SAFB: variants seen among roughly 807,000 people sequenced by gnomAD.
SAFB encodes scaffold attachment factor B1.
In SAFB, 15 loss-of-function variants were observed where a neutral mutation model predicts 101.6. That is an observed-to-expected ratio of 0.15 (90% CI 0.10 to 0.23). SAFB has a LOEUF of 0.23. SAFB is among the 10% of genes least tolerant of loss of function. The pLI, the probability that SAFB is intolerant of heterozygous loss-of-function variation, is 1.00. For synonymous variants in SAFB, 449 were observed against 407.5 expected, an observed-to-expected ratio of 1.10 and a Z score of -1.23; for missense variants, 930 against 1,104.1, an observed-to-expected ratio of 0.84 and a Z score of 2.23.
At chr19:5,653,961 G>A (rs11085146) in intron 11 of SAFB, 100 bp from the exon 12 acceptor site, 135,125 of 1,094,092 alleles carry the variant, frequency 0.12, 13,334 homozygotes, top group East Asian at 0.52. Flanking sequence ...GGCTGGTCTC[G>A]AACTCCCGGT....
In SAFB at chr19:5,633,809, T is replaced by A. The variant is rs147424164; in HGVS notation, c.274+7320T>A. The stretch of plus-strand genomic sequence containing the variant: ...AAAAAAAAGAAAAAAGAAACCAGGG[T>A]CTTGGAACTTAGATGTACTTCTGTA... On this transcript the variant is annotated intron_variant, in intron 2 of 20. Coordinates refer to ENST00000588852, the MANE Select transcript of SAFB (RefSeq NM_001201338.2). Among the ~76,000 whole-genome samples, 1,299 of 149,522 alleles carry A rather than the reference T, an allele frequency of 8.7e-3. 43 individuals are homozygous for A. Among genetic ancestry groups the A allele is most frequent in the Admixed American group, 0.063 (950 of 15,120 alleles).
chr19:5,651,592 T>C (rs1268111082), intron 9 of SAFB, among the ~76,000 whole-genome samples: 2 of 152,176 alleles, frequency 1.3e-5, no homozygotes, highest in African/African-American at 2.4e-5. Context: ...TAGTGGCCTC[T>C]TGTCTGCAGC....
At chr19:5,646,867 C>T (rs1208345588) in intron 5 of SAFB, among the ~76,000 whole-genome samples, 2 of 152,222 alleles carry the variant, frequency 1.3e-5, no homozygotes, top group African/African-American at 4.8e-5. Flanking sequence ...AGTGCAGACT[C>T]ACACTCATAC....
intron 4 of SAFB, among the ~76,000 whole-genome samples, chr19:5,643,683 AGTTTT>A (rs913459857): frequency 1.3e-5 from 2 of 152,106 alleles, no homozygotes; most frequent in African/African-American, 4.8e-5. Context: ...GAAGCAGTTT[AGTTTT>A]AAGGGTTGAG....
intron 2 of SAFB, among the ~76,000 whole-genome samples, chr19:5,633,431 G>A (rs535264408): frequency 1.3e-5 from 2 of 152,214 alleles, no homozygotes; most frequent in East Asian, 1.9e-4. Flanking sequence ...CCCTTTCCCC[G>A]GAATCAGCCA....
chr19:5,668,153 T>C lies in SAFB; in HGVS notation c.2625-9T>C. ...CTTCGCAGTCAAACCAATGTGAATT[T>C]GTTCCTAGGCGCGGCAGCTTTGCCC... On this transcript the variant is annotated splice_polypyrimidine_tract_variant and intron_variant, in intron 20 of 20. Transcript: ENST00000588852. 1 of 1,605,836 alleles carries C rather than the reference T, an allele frequency of 6.2e-7. No homozygotes were observed. The highest frequency in any genetic ancestry group is 8.5e-7 in the Non-Finnish European group (1 of 1,176,992).
At chr19:5,626,205 C>T (rs2053356191) in intron 1 of SAFB, among the ~76,000 whole-genome samples, 200 bp from the exon 2 acceptor site, 1 of 152,146 alleles carries the variant, frequency 6.6e-6, no homozygotes, top group African/African-American at 2.4e-5. Flanking sequence ...TGGGACCACC[C>T]AGCTAAGAAC....
intron 2 of SAFB, among the ~76,000 whole-genome samples, chr19:5,635,882 CTCTTCAGTTTTTGCCAGAGAGT>C (rs921423088): frequency 6.6e-6 from 1 of 152,074 alleles, no homozygotes; most frequent in African/African-American, 2.4e-5. Flanking sequence ...AAATCAATGG[CTCTTCAGTTTTTGCCAGAGAGT>C]TATACTTTTC....
chr19:5,664,466 A>T lies in SAFB; in HGVS notation c.2334+27A>T, dbSNP rs773147186. On this transcript the variant is annotated intron_variant, in intron 17 of 20. Transcript: ENST00000588852. ...TAAGTCTGAAGCTACAGTGGTAGCC[A>T]CAGAATTTCCCATAGAATGGGTTCT... 2.5e-5 allele frequency: 39 copies of T among 1,589,950 alleles called. No individual in the cohort carries two copies. In the South Asian group the frequency reaches 4.2e-4, roughly 17 times the overall value.
chr19:5,663,822 C>T (rs1313738927), intron 15 of SAFB, among the ~76,000 whole-genome samples, 200 bp from the exon 16 acceptor site: 1 of 152,176 alleles, frequency 6.6e-6, no homozygotes, highest in Admixed American at 6.5e-5. Flanking sequence ...CGCTTTTCAT[C>T]AGGGGAGGTG....
Position 5,661,764 on chromosome 19 carries a change from G to T in SAFB, c.2109G>T (p.Glu703Asp). 1 of 1,578,080 alleles carries T rather than the reference G, an allele frequency of 6.3e-7. No homozygotes were observed. Reference protein sequence around the residue: ...ELRRQQELRYEQERRPAVRRP... With the variant: ...ELRRQQELRYDQERRPAVRRP... ...GGCGCCAGCAGGAACTGCGCTATGA[G>T]CAGGAGCGGCGGCCCGCGGTGCGGC... The change falls in exon 15 of 21, where the codon GAG (glutamate) becomes GAT (aspartate). Residue 703 changes from glutamate to aspartate, a missense_variant. Physicochemically the swap from Glu to Asp is conservative, Grantham distance 45. Around this residue, in one of 7 missense-constraint regions of SAFB, gnomAD observed 318 missense variants for 342.6 expected, o/e 0.93. Coordinates refer to ENST00000588852, the MANE Select transcript of SAFB (RefSeq NM_001201338.2).
chr19:5,653,020 C>T (rs2053973431), intron 9 of SAFB, 95 bp from the exon 10 acceptor site: 3 of 1,269,332 alleles, frequency 2.4e-6, no homozygotes, highest in Admixed American at 4.0e-5. Context: ...CTTGTCGGAC[C>T]CCTGATGAGC....
At position 5,667,105 on chromosome 19, in the gene SAFB, G is replaced by C. The variant is rs200429675; in HGVS notation, c.2394G>C (p.Trp798Cys). Reference sequence around the variant, plus strand: ...ACGGCCGGGACTCCCGCGATGGCTGGGGGGGCTATGGCTCTGACAAGAGGA... The same window carrying C: ...ACGGCCGGGACTCCCGCGATGGCTGCGGGGGCTATGGCTCTGACAAGAGGA... ...ERHGRDSRDG[W>C]GGYGSDKRMS... The change falls in exon 18 of 21, where the codon TGG becomes TGC. Residue 798 changes from tryptophan (W) to cysteine (C), a missense_variant. Trp to Cys is a radical substitution (Grantham distance 215, BLOSUM62 -2). Coordinates refer to ENST00000588852, the MANE Select transcript of SAFB (RefSeq NM_001201338.2). This position sits in a 1 kb window ranked among gnomAD's most constrained non-coding sequence, Gnocchi z 4.0. The C allele has an allele frequency of 6.2e-6, 10 of 1,612,730 alleles. No individual in the cohort carries two copies. The highest frequency in any genetic ancestry group is 1.3e-5 in the African/African-American group (1 of 74,898).
rs1217126982 is a variant in SAFB at position 5,645,355 on chromosome 19, A to G, written c.565A>G (p.Ile189Val). ...TTTACAGATAGAGGACAAAGAAACT[A>G]TAAACAATTTAGATACTTCATCATC... ...QEHAIEDKET[I>V]NNLDTSSSDF... is the part of the protein sequence containing the mutation. Residue 189 changes from isoleucine (I) to valine (V), a missense_variant, in exon 5 of 21, where the codon ATA (isoleucine) becomes GTA (valine). Coordinates refer to ENST00000588852, the MANE Select transcript of SAFB (RefSeq NM_001201338.2). 5 of 1,336,002 alleles carry G rather than the reference A, an allele frequency of 3.7e-6. No homozygotes were observed. The East Asian group carries it at 6.9e-5, about 18-fold the overall frequency. 82.8% of individuals were successfully genotyped at this position (1,336,002 alleles called of 1,614,324 possible).
At chr19:5,659,141 C>CAAAAAAAA (rs772619826) in intron 14 of SAFB, among the ~76,000 whole-genome samples, 29 of 130,312 alleles carry the variant, frequency 2.2e-4, no homozygotes, top group African/African-American at 4.2e-4. Context: ...GACTCCGTCT[C>CAAAAAAAA]AAAAAAAAAA....
At chr19:5,657,097 G>A in intron 13 of SAFB, 144 bp from the exon 14 acceptor site, 3 of 608,698 alleles carry the variant, frequency 4.9e-6, no homozygotes, top group Non-Finnish European at 8.8e-6. Context: ...TAGAGTCAAG[G>A]TTTCACCATG....
intron 11 of SAFB, 44 bp downstream of exon 11, chr19:5,653,464 TG>T (rs2053985764): frequency 3.2e-6 from 5 of 1,556,302 alleles, no homozygotes; most frequent in Non-Finnish European, 4.4e-6. Context: ...GGGTGTTTTT[TG>T]TTGTTGTTGT....
rs2053858064 is a variant in SAFB, at chr19:5,647,880, G to A, written c.610-136G>A. ...ATGGAGCCATTCCTAGAACAAGCAG[G>A]TTCTCCACCTCTTGAGTTTGTGAGT... On this transcript the variant is annotated intron_variant, in intron 5 of 20. Coordinates refer to ENST00000588852, the MANE Select transcript of SAFB (RefSeq NM_001201338.2). 4 of 788,042 alleles carry A rather than the reference G, an allele frequency of 5.1e-6. No individual in the cohort carries two copies. The East Asian group carries it at 1.1e-4, about 21-fold the overall frequency. The allele number at this position is 788,042 out of a possible 1,614,324, so 48.8% of individuals were successfully genotyped here.
At position 5,661,532 on chromosome 19, in the gene SAFB, G is replaced by T. The variant is rs749345603; in HGVS notation, c.1877G>T (p.Arg626Leu). Residue 626 changes from arginine to leucine, a missense_variant, in exon 15 of 21, where the codon CGC becomes CTC. By Grantham distance (102) the Arg-to-Leu change is moderately radical. Transcript: ENST00000588852. The stretch of plus-strand genomic sequence containing the variant: ...CTGTTGTGCAGCAGGGTGCGTGAAC[G>T]CAGTGAACGCGAACAACGCATGCAG... ...DSESHSRVRE[R>L]SEREQRMQAQ... The T allele has an allele frequency of 2.5e-6, 4 of 1,612,672 alleles. No individual in the cohort carries two copies. Among genetic ancestry groups the T allele is most frequent in the Non-Finnish European group, 3.4e-6 (4 of 1,179,760 alleles).
Sources: allele counts gnomAD v4.1 joint callset (sites outside exome capture counted in the v4.1 genomes callset), GRCh38; gene constraint gnomAD v4.1.1; regional missense constraint gnomAD v4.1.1; non-coding constraint Gnocchi (gnomAD v3.1); transcripts MANE v1.5; gene names NCBI Gene and HGNC (gene_info 2026-07-23, HGNC 2026-07-21).